SMIM35: variants seen among roughly 807,000 people sequenced by gnomAD.
SMIM35 encodes TMPRSS4 antisense RNA 1 (non-protein coding).
At chr11:118,010,425 A>G (rs1023170375) in intron 4 of SMIM35, among the ~76,000 whole-genome samples, 3 of 152,200 alleles carry the variant, frequency 2.0e-5, no homozygotes, top group African/African-American at 7.2e-5. Context: ...TCTAGGACAA[A>G]GCAGCCTTCT....
intron 1 of SMIM35, among the ~76,000 whole-genome samples, chr11:118,046,364 TCTC>T (rs1944097359): frequency 6.6e-6 from 1 of 152,186 alleles, no homozygotes; most frequent in African/African-American, 2.4e-5. Flanking sequence ...GGATGTGTGA[TCTC>T]CTACCAAGCA....
At chr11:118,046,670 G>T (rs1355116580) in intron 1 of SMIM35, among the ~76,000 whole-genome samples, 2 of 152,100 alleles carry the variant, frequency 1.3e-5, no homozygotes, top group African/African-American at 4.8e-5. Flanking sequence ...GGAGTACCTG[G>T]GACCCACTCC....
intron 4 of SMIM35, among the ~76,000 whole-genome samples, chr11:118,006,996 A>G (rs1676272172): frequency 6.6e-6 from 1 of 152,200 alleles, no homozygotes; most frequent in Admixed American, 6.5e-5. Context: ...TGGAAATACA[A>G]AAGGCATCAG....
In SMIM35 at chr11:118,064,986, G is replaced by A. The variant is rs879710080; in HGVS notation, c.7+21765C>T. Among the ~76,000 whole-genome samples, 15 of 152,306 alleles carry A rather than the reference G, an allele frequency of 9.8e-5. 1 individual carries two copies. Among genetic ancestry groups the A allele is most frequent in the Admixed American group, 2.0e-4 (3 of 15,308 alleles). On this transcript the variant is annotated intron_variant, in intron 1 of 4. Coordinates refer to ENST00000689828, the MANE Select transcript of SMIM35 (RefSeq NM_001394165.1). ...GCTAGCCTTCTCTGGGTCAAGCCCC[G>A]AGTGGGCTCTGAGTCAAGCACACCC...
chr11:118,068,146 C>T (rs534526137), intron 1 of SMIM35, among the ~76,000 whole-genome samples: 14 of 151,956 alleles, frequency 9.2e-5, no homozygotes, highest in East Asian at 3.9e-4. Context: ...TTCATCTCCC[C>T]GGTCCCAGCA....
intron 1 of SMIM35, among the ~76,000 whole-genome samples, chr11:118,018,075 A>C (rs2058198537): frequency 6.6e-6 from 1 of 152,190 alleles, no homozygotes; most frequent in Admixed American, 6.5e-5. Context: ...ATCTAGAGTG[A>C]AAATGTCTAG....
chr11:118,048,015 C>A (rs933291134), intron 1 of SMIM35, among the ~76,000 whole-genome samples: 2 of 152,338 alleles, frequency 1.3e-5, no homozygotes, highest in East Asian at 3.9e-4. Context: ...CATGCCTCCC[C>A]ATCACTGCCC....
At chr11:118,041,342 C>T (rs1407257717) in intron 1 of SMIM35, among the ~76,000 whole-genome samples, 1 of 151,946 alleles carries the variant, frequency 6.6e-6, no homozygotes, top group East Asian at 1.9e-4. Context: ...ACACTCCACT[C>T]AACAACAAAA....
chr11:118,020,362 C>T (rs1401402891), intron 1 of SMIM35, among the ~76,000 whole-genome samples: 1 of 152,178 alleles, frequency 6.6e-6, no homozygotes, highest in Non-Finnish European at 1.5e-5. Context: ...GTTAGTTATT[C>T]TGAGTACTTT....
At chr11:118,074,901 G>T (rs114786135) in intron 1 of SMIM35, among the ~76,000 whole-genome samples, 48 of 152,188 alleles carry the variant, frequency 3.2e-4, no homozygotes, top group African/African-American at 9.9e-4. Flanking sequence ...GCCCAGTCCT[G>T]CTTATGTGCC....
chr11:118,067,762 A>C (rs972452209), intron 1 of SMIM35, among the ~76,000 whole-genome samples: 1 of 149,886 alleles, frequency 6.7e-6, no homozygotes, highest in East Asian at 2.0e-4. Context: ...AACCCGGGAG[A>C]TGGAGGTTGC....
chr11:118,076,378 C>T (rs922045565), intron 1 of SMIM35, among the ~76,000 whole-genome samples: 1 of 151,190 alleles, frequency 6.6e-6, no homozygotes, highest in South Asian at 2.1e-4. Flanking sequence ...ACCTAGGAGG[C>T]GGAGGTTGCA....
At chr11:118,082,483 C>T (rs936904246) in intron 1 of SMIM35, among the ~76,000 whole-genome samples, 5 of 151,942 alleles carry the variant, frequency 3.3e-5, no homozygotes, top group African/African-American at 9.7e-5. Context: ...ATCGCTTGAA[C>T]CCAGGAGGCA....
chr11:118,023,996 T>TCTCCAAA (rs770893008), intron 1 of SMIM35, among the ~76,000 whole-genome samples: 278 of 147,002 alleles, frequency 1.9e-3, no homozygotes, highest in Non-Finnish European at 3.5e-3. Context: ...GCCTGGGTGA[T>TCTCCAAA]AGAGTGAGAT....
At chr11:118,011,208 C>CG (rs942841591) in intron 4 of SMIM35, among the ~76,000 whole-genome samples, 2 of 152,194 alleles carry the variant, frequency 1.3e-5, no homozygotes, top group African/African-American at 4.8e-5. Flanking sequence ...CTCCCAGCCC[C>CG]GGGCAGCTGT....
chr11:118,047,310 T>G (rs561504476), intron 1 of SMIM35, among the ~76,000 whole-genome samples: 1 of 152,346 alleles, frequency 6.6e-6, no homozygotes, highest in Non-Finnish European at 1.5e-5. Context: ...TTAACAAGCA[T>G]TCTAGAATAC....
At chr11:118,047,834 C>G (rs1944125916) in intron 1 of SMIM35, among the ~76,000 whole-genome samples, 1 of 152,220 alleles carries the variant, frequency 6.6e-6, no homozygotes, top group African/African-American at 2.4e-5. Flanking sequence ...TGTGACCCTC[C>G]ACATTTGTCC....
At chr11:118,060,808 C>T (rs947749251) in intron 1 of SMIM35, among the ~76,000 whole-genome samples, 3 of 152,242 alleles carry the variant, frequency 2.0e-5, no homozygotes, top group Admixed American at 6.5e-5. Context: ...ACCAGCCAGA[C>T]ATGGGTACTC....
intron 1 of SMIM35, among the ~76,000 whole-genome samples, chr11:118,027,010 C>T (rs1004311941): frequency 1.4e-5 from 2 of 141,690 alleles, no homozygotes; most frequent in African/African-American, 5.2e-5. Flanking sequence ...AAATCCACCA[C>T]CACCACTTTT....
Sources: gnomAD v4.1 joint callset for allele counts (sites outside exome capture counted in the v4.1 genomes callset) on GRCh38, gnomAD v4.1.1 for gene constraint, MANE v1.5 for transcripts, NCBI Gene and HGNC (gene_info 2026-07-23, HGNC 2026-07-21) for gene names.